Variants in RNF149 observed in about 807,000 individuals in gnomAD.
The protein encoded by RNF149 is ring finger protein 149.
RNF149 carries 21 observed loss-of-function variants against 39.0 expected under a neutral mutation model. That is an observed-to-expected ratio of 0.54 (90% confidence interval 0.38 to 0.77). RNF149 has a LOEUF of 0.77. Among genes scored for constraint, RNF149 ranks in the 30% least tolerant of loss-of-function variants. RNF149 has a pLI of 0.00. For synonymous variants in RNF149, 209 were observed against 213.6 expected (o/e 0.98, Z 0.19); for missense variants, 493 against 534.9 (o/e 0.92, Z 0.77).
downstream of RNF149, among the ~76,000 whole-genome samples, chr2:101,272,559 CAT>C (rs1383148260): frequency 6.6e-6 from 1 of 152,154 alleles, no homozygotes; most frequent in Admixed American, 6.5e-5. Context: ...AAACACAACA[CAT>C]ATTAACTACA....
At chr2:101,300,681 G>A (rs555004606) in intron 1 of RNF149, among the ~76,000 whole-genome samples, 5 of 152,060 alleles carry the variant, frequency 3.3e-5, no homozygotes, top group Non-Finnish European at 5.9e-5. Context: ...TGCCTAGCAT[G>A]AGGGCTAAAC....
chr2:101,305,890 G>A (rs985415379), intron 1 of RNF149, among the ~76,000 whole-genome samples: 2 of 152,234 alleles, frequency 1.3e-5, no homozygotes, highest in African/African-American at 4.8e-5. Flanking sequence ...GGAAGAGTGA[G>A]TCACTCTATG....
At position 101,308,246 on chromosome 2, in the gene RNF149, G is replaced by T. The variant is rs865956530; in HGVS notation, c.343C>A (p.Arg115Ser). The T allele has an allele frequency of 6.3e-7, 1 of 1,596,624 alleles. No individual in the cohort carries two copies. ...TTGTCCTTGAAGGTGCAGCCCCCAC[G>T]AGCCACCAGGGCGACCCAGGGCGCG... is the stretch of plus-strand genomic sequence containing the variant. ...GAAPWVALVA[R>S]GGCTFKDKVL... The change falls in exon 1 of 7, where the codon CGT (arginine) becomes AGT (serine). Residue 115 changes from arginine to serine, a missense_variant. Transcript: ENST00000295317.
rs374640079 is a variant in RNF149 at position 101,303,373 on chromosome 2, C to T, written c.460+4756G>A. 6.8e-4 allele frequency among the ~76,000 whole-genome samples: 103 copies of T among 152,018 alleles called. 1 individual carries two copies. The South Asian group carries it at 0.02, about 29-fold the overall frequency. ...AACTCCTGACCTCACGTGATCCACC[C>T]GCCTCAGCCTACCAAAGTGCTGGGA... On this transcript the variant is annotated intron_variant, in intron 1 of 6. Transcript: ENST00000295317.
chr2:101,286,438 C>T, intron 4 of RNF149: 1 of 280,496 alleles, frequency 3.6e-6, no homozygotes, highest in Non-Finnish European at 6.6e-6. Flanking sequence ...TTTTATGTGC[C>T]TCTGTAAGTT....
chr2:101,294,805 T>G lies in RNF149; in HGVS notation c.711+126A>C, dbSNP rs141019377. On this transcript the variant is annotated intron_variant, in intron 2 of 6. Transcript: ENST00000295317. Reference sequence around the variant, plus strand: ...TTAAAAAGTTACTTCCAAAAAGTCATGTTGAATACTTAAATAATATAAGCG... The same window carrying G: ...TTAAAAAGTTACTTCCAAAAAGTCAGGTTGAATACTTAAATAATATAAGCG... The G allele has an allele frequency of 6.2e-5, 51 of 821,224 alleles. No individual in the cohort carries two copies. The East Asian group carries it at 1.2e-3, about 20-fold the overall frequency. The allele number at this position is 821,224 out of a possible 1,614,324, so 50.9% of individuals were successfully genotyped here.
intron 6 of RNF149, among the ~76,000 whole-genome samples, chr2:101,280,330 C>T (rs1682531647): frequency 6.6e-6 from 1 of 151,888 alleles, no homozygotes; most frequent in African/African-American, 2.4e-5. Context: ...AATATTAGGA[C>T]AACTGATTAA....
rs1166545341 is a variant in RNF149 at position 101,300,944 on chromosome 2, C to A, written c.461-5763G>T. Among the ~76,000 whole-genome samples the A allele has an allele frequency of 3.9e-5, 6 of 152,284 alleles. No homozygotes were observed. In the South Asian group the frequency reaches 1.2e-3, roughly 32 times the overall value. ...CTCCGATGCATCGCCGCCTCTCTGG[C>A]CAATGCTAATGAGCTAAGCTGCTCA... On this transcript the variant is annotated intron_variant, in intron 1 of 6. Transcript: ENST00000295317.
At chr2:101,289,219 G>A (rs1402123020) in intron 3 of RNF149, among the ~76,000 whole-genome samples, 164 bp from the exon 4 acceptor site, 1 of 152,010 alleles carries the variant, frequency 6.6e-6, no homozygotes, top group Non-Finnish European at 1.5e-5. Flanking sequence ...CACTATTAGA[G>A]GATTATCTAA....
At position 101,281,852 on chromosome 2, in the gene RNF149, C is replaced by T. The variant is rs112489266; in HGVS notation, c.1159+7G>A. The T allele has an allele frequency of 2.0e-4, 326 of 1,613,310 alleles. 1 individual carries two copies. The highest frequency in any genetic ancestry group is 8.3e-4 in the African/African-American group (62 of 74,996). On this transcript the variant is annotated splice_region_variant and intron_variant, in intron 6 of 6. Transcript: ENST00000295317. ...TTCTATTGTTTTATAATTTGCACACCGCTCACCTAGCAATGCCGTATTTTC... is the reference window on the plus strand; with the variant it reads ...TTCTATTGTTTTATAATTTGCACACTGCTCACCTAGCAATGCCGTATTTTC...
At position 101,308,206 on chromosome 2, in the gene RNF149, G is replaced by A. The variant is rs749376678; in HGVS notation, c.383C>T (p.Ala128Val). Reference sequence around the variant, plus strand: ...GACGACGGCCGAGGCGTTCCTCCGCGCCGCCACCAGCACCTTGTCCTTGAA... The same window carrying A: ...GACGACGGCCGAGGCGTTCCTCCGCACCGCCACCAGCACCTTGTCCTTGAA... ...CTFKDKVLVAARRNASAVVLY... is the reference protein window; with the variant it reads ...CTFKDKVLVAVRRNASAVVLY... The change falls in exon 1 of 7, where the codon GCG (alanine) becomes GTG (valine). Residue 128 changes from alanine to valine, a missense_variant. Transcript: ENST00000295317. 1.4e-5 allele frequency: 22 copies of A among 1,608,678 alleles called. No individual in the cohort carries two copies. Among genetic ancestry groups the A allele is most frequent in the Non-Finnish European group, 1.9e-5 (22 of 1,178,702 alleles).
Position 101,288,976 on chromosome 2 carries a change from C to A in RNF149, c.860G>T (p.Cys287Phe). 6.6e-7 allele frequency: 1 copy of A among 1,505,670 alleles called. No individual in the cohort carries two copies. Among genetic ancestry groups the A allele is most frequent in the Non-Finnish European group, 9.2e-7 (1 of 1,084,800 alleles). 93.3% of individuals were successfully genotyped at this position (1,505,670 alleles called of 1,614,324 possible). The change falls in exon 4 of 7, where the codon TGC becomes TTC. Residue 287 changes from cysteine (C) to phenylalanine (F), a missense_variant. Coordinates refer to ENST00000295317, the MANE Select transcript of RNF149 (RefSeq NM_173647.4). ...TCAATATGTAAAAAGAACATACTTG[C>A]ATGGCAGAATTCTAATAATATCCTT... ...KVKDIIRILP[C>F]KHIFHRICID...
At chr2:101,287,435 G>C (rs1366865224) in intron 4 of RNF149, among the ~76,000 whole-genome samples, 1 of 152,208 alleles carries the variant, frequency 6.6e-6, no homozygotes, top group Non-Finnish European at 1.5e-5. Flanking sequence ...AGAAAATAAG[G>C]GAAAAGTCAA....
At chr2:101,299,759 C>G (rs930311911) in intron 1 of RNF149, among the ~76,000 whole-genome samples, 5 of 152,216 alleles carry the variant, frequency 3.3e-5, no homozygotes, top group Non-Finnish European at 7.3e-5. Flanking sequence ...AACACGTTCA[C>G]ATTTATGTCT....
At chr2:101,281,547 G>T (rs1682586468) in intron 6 of RNF149, 1 of 257,786 alleles carries the variant, frequency 3.9e-6, no homozygotes, top group East Asian at 8.1e-5. Context: ...CCAGGCTCAG[G>T]CTGGAGTACA....
Position 101,281,962 on chromosome 2 carries a change from G to A in RNF149, c.1056C>T (p.Asp352=), listed in dbSNP as rs141226979. ...ATGGTGGACTGCTGTCATCACTTCCGTCATCATCTGGTAAAGCTAGACTCA... is the reference window on the plus strand; with the variant it reads ...ATGGTGGACTGCTGTCATCACTTCCATCATCATCTGGTAAAGCTAGACTCA... ...ANLSLALPDD[D]GSDDSSPPSA... Residue 352 remains aspartate (D), a synonymous_variant, in exon 6 of 7, where the codon GAC becomes GAT. Coordinates refer to ENST00000295317, the MANE Select transcript of RNF149 (RefSeq NM_173647.4). 7.4e-5 allele frequency: 119 copies of A among 1,614,000 alleles called. No individual in the cohort carries two copies. Among genetic ancestry groups the A allele is most frequent in the African/African-American group, 4.8e-4 (36 of 74,978 alleles).
chr2:101,277,333 A>C, intron 6 of RNF149, 52 bp from the exon 7 acceptor site: 1 of 1,564,112 alleles, frequency 6.4e-7, no homozygotes, highest in Non-Finnish European at 8.6e-7. Context: ...GCATATTCCG[A>C]GCTTCAACTA....
chr2:101,298,664 C>A (rs1170515939), intron 1 of RNF149, among the ~76,000 whole-genome samples: 3 of 152,028 alleles, frequency 2.0e-5, no homozygotes, highest in South Asian at 2.1e-4. Context: ...AACAAAAAAA[C>A]CCCAAAAAAC....
intron 1 of RNF149, 84 bp downstream of exon 1, chr2:101,308,044 GC>G: frequency 6.7e-7 from 1 of 1,502,562 alleles, no homozygotes; most frequent in Non-Finnish European, 8.9e-7. Flanking sequence ...CCGCTTCGCG[GC>G]CTGCGGTTCA....
Sources: gnomAD v4.1 joint callset for allele counts (sites outside exome capture counted in the v4.1 genomes callset) on GRCh38, gnomAD v4.1.1 for gene constraint, MANE v1.5 for transcripts, NCBI Gene and HGNC (gene_info 2026-07-23, HGNC 2026-07-21) for gene names.